The following ACOT7 variants were observed in gnomAD, a reference collection of about 807,000 sequenced individuals.
ACOT7 encodes the protein cytosolic acyl coenzyme A thioester hydrolase.
A neutral mutation model predicts 40.2 loss-of-function variants in ACOT7; 12 were observed. That is an observed-to-expected ratio of 0.30 (90% CI 0.19 to 0.48). The LOEUF is 0.48. ACOT7 is among the 20% of genes least tolerant of loss of function. The pLI, the probability that ACOT7 is intolerant of heterozygous loss-of-function variation, is 0.99. For synonymous variants in ACOT7, 228 were observed against 219.5 expected, an observed-to-expected ratio of 1.04 and a Z score of -0.34; for missense variants, 395 against 530.8, an observed-to-expected ratio of 0.74 and a Z score of 2.51.
At chr1:6,300,835 C>A (rs1416400314) in intron 6 of ACOT7, among the ~76,000 whole-genome samples, 1 of 144,788 alleles carries the variant, frequency 6.9e-6, no homozygotes, top group Non-Finnish European at 1.5e-5. Context: ...TCTCCACAAA[C>A]ACAGAATGAC....
chr1:6,309,352 A>T (rs1325627052), intron 6 of ACOT7, among the ~76,000 whole-genome samples: 1 of 152,222 alleles, frequency 6.6e-6, no homozygotes, highest in African/African-American at 2.4e-5. Flanking sequence ...CTGGGAGGAC[A>T]GCTCCAAGAT....
At position 6,264,376 on chromosome 1, in the gene ACOT7, G is replaced by C; in HGVS notation, c.*221C>G. The C allele has an allele frequency of 1.9e-6, 1 of 524,228 alleles. No individual in the cohort carries two copies. Among genetic ancestry groups the C allele is most frequent in the Admixed American group, 3.9e-5 (1 of 25,968 alleles). The allele number at this position is 524,228 out of a possible 1,614,324, so 32.5% of individuals were successfully genotyped here. On this transcript the variant is annotated 3_prime_UTR_variant, in exon 9 of 9. Coordinates refer to ENST00000361521, the MANE Select transcript of ACOT7 (RefSeq NM_007274.4). Reference sequence around the variant, plus strand: ...TTCTGCCCAACGCCTCCCGGCGCTCGGGACAACACTGTGTAGCATTGATAC... The same window carrying C: ...TTCTGCCCAACGCCTCCCGGCGCTCCGGACAACACTGTGTAGCATTGATAC...
chr1:6,348,539 C>A (rs564300870), intron 2 of ACOT7, among the ~76,000 whole-genome samples: 1 of 152,252 alleles, frequency 6.6e-6, no homozygotes, highest in South Asian at 2.1e-4. Flanking sequence ...GGGGACAGAG[C>A]CCTCACAAAT....
intron 8 of ACOT7, among the ~76,000 whole-genome samples, chr1:6,277,624 C>T (rs927871568): frequency 1.3e-5 from 2 of 152,258 alleles, no homozygotes; most frequent in Non-Finnish European, 2.9e-5. Context: ...TGGCCCTCGC[C>T]GTTCCCTTCA....
intron 3 of ACOT7, among the ~76,000 whole-genome samples, chr1:6,336,265 C>T (rs977442920): frequency 2.3e-5 from 3 of 131,528 alleles, no homozygotes; most frequent in Non-Finnish European, 3.1e-5. Context: ...ACCTGAGAGG[C>T]GGAGGTTGTA....
At chr1:6,387,681 C>G (rs558535577) in intron 1 of ACOT7, among the ~76,000 whole-genome samples, 103 of 152,320 alleles carry the variant, frequency 6.8e-4, no homozygotes, top group African/African-American at 2.4e-3. Flanking sequence ...TCTGGTCTGA[C>G]CAGAACTGGG....
At chr1:6,303,641 C>T (rs1195653990) in intron 6 of ACOT7, among the ~76,000 whole-genome samples, 3 of 152,152 alleles carry the variant, frequency 2.0e-5, no homozygotes, top group East Asian at 3.8e-4. Flanking sequence ...GCGTGGGCGC[C>T]GGCCTCCTAT....
intron 6 of ACOT7, among the ~76,000 whole-genome samples, chr1:6,315,079 G>A (rs1277856202): frequency 3.9e-5 from 6 of 152,178 alleles, no homozygotes; most frequent in African/African-American, 7.2e-5. Flanking sequence ...GGAGCACTGC[G>A]TTCTCCCTGT....
rs1326411751 is a variant in ACOT7, at chr1:6,282,914, G to A, written c.830-1628C>T. On this transcript the variant is annotated intron_variant, in intron 7 of 8. Coordinates refer to ENST00000361521, the MANE Select transcript of ACOT7 (RefSeq NM_007274.4). The surrounding 1 kb of genome is among the most constrained non-coding windows in gnomAD (Gnocchi z 4.5). ...CTAGAAGTTTCAACAGGTCAGACCT[G>A]AGGGTCTCCCAGCATCTCTGCCTCC... is the stretch of plus-strand genomic sequence containing the variant. 3.3e-6 allele frequency: 2 copies of A among 598,016 alleles called. No homozygotes were observed. The highest frequency in any genetic ancestry group is 3.0e-5 in the South Asian group (2 of 67,044). 37.0% of individuals were successfully genotyped at this position (598,016 alleles called of 1,614,324 possible).
chr1:6,391,223 G>A (rs1642527109), intron 1 of ACOT7, among the ~76,000 whole-genome samples: 2 of 151,712 alleles, frequency 1.3e-5, no homozygotes, highest in African/African-American at 4.8e-5. Flanking sequence ...TTCCAGCTGG[G>A]TGCGGTGGTT....
chr1:6,328,739 TGAGTCCCGGGACACAGCAGGGG>T (rs1452561840), intron 4 of ACOT7, among the ~76,000 whole-genome samples: 3 of 152,210 alleles, frequency 2.0e-5, no homozygotes, highest in Admixed American at 1.3e-4. Flanking sequence ...CCAAAGCTCC[TGAGTCCCGGGACACAGCAGGGG>T]GATACTGCAT....
At chr1:6,317,875 G>T (rs137900338) in intron 6 of ACOT7, among the ~76,000 whole-genome samples, 41 of 151,748 alleles carry the variant, frequency 2.7e-4, no homozygotes, top group Non-Finnish European at 2.4e-4. Flanking sequence ...GGGACTACAG[G>T]CGCCTGCCAC....
chr1:6,384,876 T>C (rs1249529157), intron 1 of ACOT7, among the ~76,000 whole-genome samples: 1 of 151,896 alleles, frequency 6.6e-6, no homozygotes, highest in African/African-American at 2.4e-5. Context: ...TCTGTGAACA[T>C]AAAACTGAAA....
chr1:6,350,217 T>G (rs1641552545), intron 1 of ACOT7, among the ~76,000 whole-genome samples: 1 of 152,078 alleles, frequency 6.6e-6, no homozygotes, highest in African/African-American at 2.4e-5. Flanking sequence ...GCCCTTGGGG[T>G]TCCCAGTGAC....
chr1:6,294,642 T>C lies in ACOT7; in HGVS notation c.829+222A>G, dbSNP rs1401416703. Among the ~76,000 whole-genome samples the C allele has an allele frequency of 6.6e-6, 1 of 152,190 alleles. No individual in the cohort carries two copies. The highest frequency in any genetic ancestry group is 2.4e-5 in the African/African-American group (1 of 41,428). On this transcript the variant is annotated intron_variant, in intron 7 of 8. Transcript: ENST00000361521. This position sits in a 1 kb window ranked among gnomAD's most constrained non-coding sequence, Gnocchi z 4.6. ...GAGTTTAGGCAGGTCTTTAGGAGGATAATGGCCCCGTCATATCTGAGTCAA... is the reference window on the plus strand; with the variant it reads ...GAGTTTAGGCAGGTCTTTAGGAGGACAATGGCCCCGTCATATCTGAGTCAA...
Position 6,295,264 on chromosome 1 carries a change from T to C in ACOT7, c.713-284A>G, listed in dbSNP as rs1489391296. 5 of 265,686 alleles carry C rather than the reference T, an allele frequency of 1.9e-5. No homozygotes were observed. The East Asian group carries it at 3.9e-4, about 21-fold the overall frequency. 16.5% of individuals were successfully genotyped at this position (265,686 alleles called of 1,614,324 possible). A position where few individuals can be genotyped will look rare whatever the true frequency, so the allele number is the denominator to read the frequency against. ...GATATCTCACCCTGCTGGGCAAGTT[T>C]TGTTACAATATCAACTGGGATGGCT... On this transcript the variant is annotated intron_variant, in intron 6 of 8. Coordinates refer to ENST00000361521, the MANE Select transcript of ACOT7 (RefSeq NM_007274.4).
At position 6,339,544 on chromosome 1, in the gene ACOT7, G is replaced by T. The variant is rs1641203300; in HGVS notation, c.307C>A (p.Leu103Met). Residue 103 changes from leucine to methionine, a missense_variant, in exon 3 of 9, where the codon CTG becomes ATG. Coordinates refer to ENST00000361521, the MANE Select transcript of ACOT7 (RefSeq NM_007274.4). ...ALARVERTDF[L>M]SPMCIGEVAH... ...ACCTCACCGATGCACATGGGAGACA[G>T]GAAGTCGGTGCGCTCGACACGAGCC... 2 of 1,613,602 alleles carry T rather than the reference G, an allele frequency of 1.2e-6. No individual in the cohort carries two copies. The highest frequency in any genetic ancestry group is 1.7e-6 in the Non-Finnish European group (2 of 1,180,022).
intron 1 of ACOT7, among the ~76,000 whole-genome samples, chr1:6,365,900 T>A (rs1642000105): frequency 6.6e-6 from 1 of 151,950 alleles, no homozygotes; most frequent in Admixed American, 6.6e-5. Context: ...GTTTTGGGGT[T>A]TATTTTTTTT....
In ACOT7 at chr1:6,380,399, A is replaced by G. The variant is rs547074010; in HGVS notation, c.143+12858T>C. ...AGGATCACGAGGTCAGGAGTTCAAG[A>G]CCAGCCTGACCGACATGGTGAAACC... On this transcript the variant is annotated intron_variant, in intron 1 of 8. Coordinates refer to ENST00000361521, the MANE Select transcript of ACOT7 (RefSeq NM_007274.4). Among the ~76,000 whole-genome samples, 44 of 151,620 alleles carry G rather than the reference A, an allele frequency of 2.9e-4. 2 individuals are homozygous for G. The highest frequency in any genetic ancestry group is 5.3e-4 in the Non-Finnish European group (36 of 67,790).
Sources: allele counts gnomAD v4.1 joint callset (sites outside exome capture counted in the v4.1 genomes callset), GRCh38; gene constraint gnomAD v4.1.1; non-coding constraint Gnocchi (gnomAD v3.1); transcripts MANE v1.5; gene names NCBI Gene and HGNC (gene_info 2026-07-23, HGNC 2026-07-21).